The following ALS2CL variants were observed in gnomAD, a reference collection of about 807,000 sequenced individuals.
ALS2CL encodes the protein ALS2 C-terminal-like protein.
A neutral mutation model predicts 127.9 loss-of-function variants in ALS2CL; 112 were observed. The ratio of observed to expected loss-of-function variants is 0.88; its 90% CI spans 0.75 to 1.02. ALS2CL has a LOEUF of 1.02. Ranked by LOEUF, ALS2CL falls within the 50% of genes least tolerant of loss-of-function variation. The pLI, the probability that ALS2CL is intolerant of heterozygous loss-of-function variation, is 0.00. For synonymous variants in ALS2CL, 519 were observed against 527.6 expected (o/e 0.98, Z 0.22); for missense variants, 1,174 against 1,236.7 (o/e 0.95, Z 0.76).
chr3:46,672,409 T>A (rs1698478086), intron 22 of ALS2CL, among the ~76,000 whole-genome samples: 1 of 152,132 alleles, frequency 6.6e-6, no homozygotes, highest in Admixed American at 6.5e-5. Context: ...GGGTGAATAG[T>A]CTCCATGAGG....
intron 2 of ALS2CL, among the ~76,000 whole-genome samples, chr3:46,688,757 A>T (rs1252107533): frequency 6.6e-6 from 1 of 152,252 alleles, no homozygotes; most frequent in Non-Finnish European, 1.5e-5. Context: ...ATCCTGTTCC[A>T]GTCAGTCTTG....
chr3:46,681,229 G>A lies in ALS2CL; in HGVS notation c.1436+17C>T. Reference sequence around the variant, plus strand: ...TCCACCCCTCCGTCCTGGGAGTGGTGGCTGCAGGGCGCTCACCTGTCACCA... The same window carrying A: ...TCCACCCCTCCGTCCTGGGAGTGGTAGCTGCAGGGCGCTCACCTGTCACCA... On this transcript the variant is annotated intron_variant, in intron 13 of 25. Coordinates refer to ENST00000318962, the MANE Select transcript of ALS2CL (RefSeq NM_147129.5). The surrounding 1 kb of genome is among the most constrained non-coding windows in gnomAD (Gnocchi z 4.9). The A allele has an allele frequency of 6.2e-7, 1 of 1,613,678 alleles. No homozygotes were observed. The highest frequency in any genetic ancestry group is 8.5e-7 in the Non-Finnish European group (1 of 1,179,954).
intron 1 of ALS2CL, among the ~76,000 whole-genome samples, chr3:46,689,904 C>A (rs1469825324): frequency 6.6e-6 from 1 of 152,240 alleles, no homozygotes; most frequent in Non-Finnish European, 1.5e-5. Flanking sequence ...AGGATCCCAG[C>A]CCTGTCCTCT....
chr3:46,672,213 A>T lies in ALS2CL; in HGVS notation c.2473-12T>A, dbSNP rs771191067. 1.2e-6 allele frequency: 2 copies of T among 1,613,760 alleles called. No homozygotes were observed. Among genetic ancestry groups the T allele is most frequent in the Non-Finnish European group, 1.7e-6 (2 of 1,179,944 alleles). The stretch of plus-strand genomic sequence containing the variant: ...ACCAGGGAGTACCTCTGCATGGTGG[A>T]GGGAGTGGGCTGGATGAGGCCATGG... On this transcript the variant is annotated splice_polypyrimidine_tract_variant and intron_variant, in intron 22 of 25. Coordinates refer to ENST00000318962, the MANE Select transcript of ALS2CL (RefSeq NM_147129.5).
At position 46,669,362 on chromosome 3, in the gene ALS2CL, G is replaced by A. The variant is rs990055647; in HGVS notation, c.*1622C>T. The A allele has an allele frequency of 6.6e-6, 1 of 152,296 alleles. No homozygotes were observed. The highest frequency in any genetic ancestry group is 2.4e-5 in the African/African-American group (1 of 41,452). The allele number at this position is 152,296 out of a possible 1,614,324, so 9.4% of individuals were successfully genotyped here. A position where few individuals can be genotyped will look rare whatever the true frequency, so the allele number is the denominator to read the frequency against. ...GTGTTGGGTGAGGCCTAGTGAGAGG[G>A]TGGGCAGAGGGCCTTGTTGAATCTG... On this transcript the variant is annotated 3_prime_UTR_variant, in exon 26 of 26. Coordinates refer to ENST00000318962, the MANE Select transcript of ALS2CL (RefSeq NM_147129.5).
At position 46,686,138 on chromosome 3, in the gene ALS2CL, T is replaced by C. The variant is rs1699751524; in HGVS notation, c.666+170A>G. ...GCCCAGGACGTGCTCAGCAGACAGA[T>C]AAGAATGGCTGGACAGAGGGACCTT... On this transcript the variant is annotated intron_variant, in intron 6 of 25. Transcript: ENST00000318962. This position sits in a 1 kb window ranked among gnomAD's most constrained non-coding sequence, Gnocchi z 4.3. Among the ~76,000 whole-genome samples, 2 of 152,114 alleles carry C rather than the reference T, an allele frequency of 1.3e-5. 1 individual carries two copies. The highest frequency in any genetic ancestry group is 1.3e-4 in the Admixed American group (2 of 15,282).
At chr3:46,690,192 G>C (rs746617709) in intron 1 of ALS2CL, among the ~76,000 whole-genome samples, 9 of 152,238 alleles carry the variant, frequency 5.9e-5, no homozygotes, top group Non-Finnish European at 1.2e-4. Flanking sequence ...GAGGACTTTA[G>C]AGCAAGGTAA....
At chr3:46,680,361 C>T in intron 14 of ALS2CL, 69 bp downstream of exon 14, 2 of 1,503,542 alleles carry the variant, frequency 1.3e-6, no homozygotes, top group Non-Finnish European at 9.1e-7. Context: ...AAGGCCTCAG[C>T]TCAGCCTCAG....
intron 7 of ALS2CL, 97 bp from the exon 8 acceptor site, chr3:46,684,144 A>G (rs550685811): frequency 7.2e-7 from 1 of 1,396,458 alleles, no homozygotes; most frequent in East Asian, 2.5e-5. Context: ...TTGTGTGGCC[A>G]CCAAGGCTAT....
At chr3:46,677,454 A>C in intron 16 of ALS2CL, 1 of 957,882 alleles carries the variant, frequency 1.0e-6, no homozygotes, top group Non-Finnish European at 1.3e-6. Flanking sequence ...CTGGCTGCGC[A>C]TGTCTAATGG....
In ALS2CL at chr3:46,689,381, G is replaced by A. The variant is rs370616508; in HGVS notation, c.60C>T (p.Leu20=). ...GGAGGACAAGGCTGTTGACATGGGC[G>A]AGGGTGGCTGAGAAGACCTCCTCCA... ...LRLEEVFSAT[L]AHVNSLVLQP... Residue 20 remains leucine (L), a synonymous_variant, in exon 2 of 26, where the codon CTC becomes CTT. Transcript: ENST00000318962. The A allele has an allele frequency of 6.9e-5, 111 of 1,612,286 alleles. No individual in the cohort carries two copies. Among genetic ancestry groups the A allele is most frequent in the African/African-American group, 9.3e-5 (7 of 74,920 alleles).
chr3:46,676,702 G>A lies in ALS2CL; in HGVS notation c.1968C>T (p.Asp656=), dbSNP rs763756516. 3.1e-6 allele frequency: 5 copies of A among 1,613,546 alleles called. No individual in the cohort carries two copies. Among genetic ancestry groups the A allele is most frequent in the South Asian group, 1.1e-5 (1 of 91,084 alleles). The change falls in exon 18 of 26, where the codon GAC becomes GAT. Residue 656 remains aspartate, a synonymous_variant. Coordinates refer to ENST00000318962, the MANE Select transcript of ALS2CL (RefSeq NM_147129.5). ...HPEDSVGSME[D]ILEELLQHRE... is the part of the protein sequence containing the mutation. ...GGTGCTGCAGCAGCTCCTCCAGGAT[G>A]TCTTCCATACTGCCCACACTGTCCT... is the stretch of plus-strand genomic sequence containing the variant.
At chr3:46,689,224 ACTC>A in intron 2 of ALS2CL, 111 bp downstream of exon 2, 1 of 1,068,514 alleles carries the variant, frequency 9.4e-7, no homozygotes, top group East Asian at 2.6e-5. Flanking sequence ...AGGTGTCACC[ACTC>A]CTATTTGAGG....
In ALS2CL at chr3:46,687,145, C is replaced by A; in HGVS notation, c.372G>T (p.Glu124Asp). Residue 124 changes from glutamate to aspartate, a missense_variant, in exon 5 of 26, where the codon GAG (glutamate) becomes GAT (aspartate). Glu to Asp is a conservative substitution (Grantham distance 45). Coordinates refer to ENST00000318962, the MANE Select transcript of ALS2CL (RefSeq NM_147129.5). ...GCGCCTTCCGCTGGCCCCGCCAGTA[C>A]TCGCTGCGTGTAGAGAGGGCCACGC... is the stretch of plus-strand genomic sequence containing the variant. ...AFQKAAKRRS[E>D]YWRGQRKALR... is the part of the protein sequence containing the mutation. 6.4e-7 allele frequency: 1 copy of A among 1,570,418 alleles called. No homozygotes were observed.
intron 22 of ALS2CL, 72 bp downstream of exon 22, chr3:46,673,266 TG>T: frequency 9.2e-7 from 1 of 1,081,166 alleles, no homozygotes; most frequent in South Asian, 1.4e-5. Flanking sequence ...CCAGCAATCA[TG>T]AGGCAAAGGG....
intron 6 of ALS2CL, 150 bp from the exon 7 acceptor site, chr3:46,685,794 A>T: frequency 8.8e-7 from 1 of 1,137,134 alleles, no homozygotes; most frequent in Non-Finnish European, 1.2e-6. Context: ...ATAGGCAGAA[A>T]TGCACTGATT....
chr3:46,688,388 C>T, intron 2 of ALS2CL, 92 bp from the exon 3 acceptor site: 1 of 1,265,516 alleles, frequency 7.9e-7, no homozygotes, highest in Admixed American at 2.1e-5. Context: ...ACATGAGAGC[C>T]ACCAGCACCG....
intron 9 of ALS2CL, 33 bp from the exon 10 acceptor site, chr3:46,683,359 A>T: frequency 6.4e-7 from 1 of 1,554,962 alleles, no homozygotes; most frequent in Non-Finnish European, 8.7e-7. Context: ...GAAGGGGATC[A>T]CTGCTGCTGG....
chr3:46,675,274 T>A, intron 20 of ALS2CL: 1 of 288,968 alleles, frequency 3.5e-6, no homozygotes, highest in Non-Finnish European at 6.5e-6. Flanking sequence ...CTGTATAACC[T>A]CAGGCTCATC....
Sources: gnomAD v4.1 joint callset for allele counts (sites outside exome capture counted in the v4.1 genomes callset) on GRCh38, gnomAD v4.1.1 for gene constraint, Gnocchi (gnomAD v3.1) non-coding constraint, MANE v1.5 for transcripts, NCBI Gene and HGNC (gene_info 2026-07-23, HGNC 2026-07-21) for gene names.